The following CHD9 variants were observed in gnomAD, a reference collection of about 807,000 sequenced individuals.
CHD9 encodes the protein ATP-dependent chromatin remodeler CHD9.
In CHD9, 77 loss-of-function variants were observed where a neutral mutation model predicts 316.1. That is an observed-to-expected ratio of 0.24 (90% CI 0.20 to 0.29). The LOEUF is 0.29. CHD9 is among the 10% of genes least tolerant of loss of function. The probability of loss-of-function intolerance (pLI) is 1.00; values close to 1 mark genes in which losing one functional copy is unlikely to be tolerated. For missense variants in CHD9, 2,763 were observed against 3,438.1 expected (o/e 0.80, Z 4.91); for synonymous variants, 1,129 against 1,158.3 (o/e 0.97, Z 0.51).
intron 1 of CHD9, among the ~76,000 whole-genome samples, chr16:53,139,198 A>G (rs2039924589): frequency 6.6e-6 from 1 of 152,214 alleles, no homozygotes; most frequent in Non-Finnish European, 1.5e-5. Context: ...CCCAGAAAAC[A>G]AATTGTCCTT....
rs375069145 is a variant in CHD9, at chr16:53,255,760, G to A, written c.4190G>A (p.Arg1397His). 31 of 1,613,662 alleles carry A rather than the reference G, an allele frequency of 1.9e-5. No individual in the cohort carries two copies. In the African/African-American group the frequency reaches 2.8e-4, roughly 15 times the overall value. The change falls in exon 19 of 39, where the codon CGT becomes CAT. Residue 1397 changes from arginine (R) to histidine (H), a missense_variant. Arg to His is a conservative substitution (Grantham distance 29). This residue lies in a region of CHD9 where 199 missense variants were observed against 251.7 expected (regional missense o/e 0.79). Transcript: ENST00000447540. ...ACTATTACAATTGAATCAGAAGGACGTGGGTCAACATTTGCCAAGGTAATA... is the reference window on the plus strand; with the variant it reads ...ACTATTACAATTGAATCAGAAGGACATGGGTCAACATTTGCCAAGGTAATA... Reference protein sequence around the residue: ...TKTITIESEGRGSTFAKASFV... With the variant: ...TKTITIESEGHGSTFAKASFV...
At chr16:53,161,051 C>T (rs2041872396) in intron 2 of CHD9, among the ~76,000 whole-genome samples, 1 of 152,224 alleles carries the variant, frequency 6.6e-6, no homozygotes, top group Non-Finnish European at 1.5e-5. Context: ...TGTTGCTCCA[C>T]TTACCAGCCT....
At chr16:53,299,612 C>A in intron 30 of CHD9, 1 of 402,782 alleles carries the variant, frequency 2.5e-6, no homozygotes, top group South Asian at 2.1e-5. Context: ...TCATTGAAAA[C>A]AATGTGTCAA....
chr16:53,227,595 C>T lies in CHD9; in HGVS notation c.2160C>T (p.Tyr720=). The part of the protein sequence containing the change: ...MIDTEEFFVK[Y]KNYSYLHCEW... ...ATACAGAAGAATTTTTTGTAAAATA[C>T]AAGAATTAGTAAGTATTTGAGTTAG... The change falls in exon 7 of 39, where the codon TAC becomes TAT. Residue 720 remains tyrosine (Y), a synonymous_variant. Coordinates refer to ENST00000447540, the MANE Select transcript of CHD9 (RefSeq NM_001308319.2). 8.2e-7 allele frequency: 1 copy of T among 1,220,962 alleles called. No homozygotes were observed. The highest frequency in any genetic ancestry group is 1.1e-6 in the Non-Finnish European group (1 of 892,510). 75.6% of individuals were successfully genotyped at this position (1,220,962 alleles called of 1,614,324 possible).
At chr16:53,133,453 A>G (rs185497206) in intron 1 of CHD9, among the ~76,000 whole-genome samples, 1 of 152,280 alleles carries the variant, frequency 6.6e-6, no homozygotes, top group African/African-American at 2.4e-5. Context: ...TAAGAAAAAA[A>G]AAATTATGAT....
chr16:53,129,024 A>T (rs942862964), intron 1 of CHD9, among the ~76,000 whole-genome samples: 1 of 152,192 alleles, frequency 6.6e-6, no homozygotes, highest in Non-Finnish European at 1.5e-5. Context: ...AAACAAAAAC[A>T]CAAAAACCAG....
At chr16:53,055,346 A>G (rs1340434481) in intron 1 of CHD9, among the ~76,000 whole-genome samples, 1 of 152,180 alleles carries the variant, frequency 6.6e-6, no homozygotes, top group East Asian at 1.9e-4. Flanking sequence ...GGCGTCCTCG[A>G]AGCGGAAAGC....
At chr16:53,141,999 G>A (rs1231289718) in intron 1 of CHD9, among the ~76,000 whole-genome samples, 1 of 152,032 alleles carries the variant, frequency 6.6e-6, no homozygotes, top group Admixed American at 6.6e-5. Flanking sequence ...AAGAGTGGAG[G>A]GGCATTGATA....
At chr16:53,198,315 ATT>A (rs34946383) in intron 2 of CHD9, among the ~76,000 whole-genome samples, 11 of 125,198 alleles carry the variant, frequency 8.8e-5, no homozygotes, top group African/African-American at 6.0e-5. Flanking sequence ...TAAGCATTCA[ATT>A]TTTTTTTTTT....
rs75036978 is a variant in CHD9, at chr16:53,068,431, C to G, written c.-165+13354C>G. 8.5e-3 allele frequency among the ~76,000 whole-genome samples: 1,292 copies of G among 152,322 alleles called. 18 individuals are homozygous for G. The highest frequency in any genetic ancestry group is 0.029 in the African/African-American group (1,195 of 41,568). ...GCCGATCCAGCATTCTCTCCCACCTCTGCCTCTCAGTCACACAGTACTTCA... is the reference window on the plus strand; with the variant it reads ...GCCGATCCAGCATTCTCTCCCACCTGTGCCTCTCAGTCACACAGTACTTCA... On this transcript the variant is annotated intron_variant, in intron 1 of 38. Coordinates refer to ENST00000447540, the MANE Select transcript of CHD9 (RefSeq NM_001308319.2).
intron 1 of CHD9, among the ~76,000 whole-genome samples, chr16:53,061,457 C>T (rs2032892898): frequency 6.6e-6 from 1 of 152,068 alleles, no homozygotes; most frequent in African/African-American, 2.4e-5. Flanking sequence ...CAAAGCAGAT[C>T]ACGAGAAAAG....
intron 1 of CHD9, among the ~76,000 whole-genome samples, chr16:53,087,169 C>T (rs1477299524): frequency 6.6e-6 from 1 of 152,160 alleles, no homozygotes; most frequent in Non-Finnish European, 1.5e-5. Context: ...TGAAGTATCA[C>T]TCTCTAGAAG....
At chr16:53,296,688 G>T (rs11860234) in intron 29 of CHD9, among the ~76,000 whole-genome samples, 2 of 151,654 alleles carry the variant, frequency 1.3e-5, no homozygotes, top group Admixed American at 1.3e-4. Context: ...CTTGCGATCC[G>T]CCCGCCTCGG....
At chr16:53,272,646 A>C (rs945200646) in intron 22 of CHD9, among the ~76,000 whole-genome samples, 6 of 152,184 alleles carry the variant, frequency 3.9e-5, no homozygotes, top group Admixed American at 3.9e-4. Context: ...AACCAGGATA[A>C]ATTTTTTAAA....
chr16:53,227,452 C>T lies in CHD9; in HGVS notation c.2100C>T (p.Thr700=), dbSNP rs1029607360. ...TAGACAAAATTCTATCTTCTAGAAC[C>T]GTAAAAAAGGAAGTAAGTACTGGTA... is the stretch of plus-strand genomic sequence containing the variant. ...AIVDKILSSR[T]VKKEISPGVM... is the part of the protein sequence containing the mutation. The change falls in exon 6 of 39, where the codon ACC becomes ACT. Residue 700 remains threonine, a synonymous_variant. Transcript: ENST00000447540. 9.6e-6 allele frequency: 15 copies of T among 1,560,008 alleles called. No homozygotes were observed. The Middle Eastern group carries it at 5.0e-4, about 52-fold the overall frequency.
chr16:53,181,468 C>G (rs1597323342), intron 2 of CHD9, among the ~76,000 whole-genome samples: 1 of 151,908 alleles, frequency 6.6e-6, no homozygotes, highest in Admixed American at 6.5e-5. Flanking sequence ...TATACTTAAG[C>G]AAAAATTAGA....
intron 3 of CHD9, among the ~76,000 whole-genome samples, chr16:53,210,958 T>C (rs2046286930): frequency 6.6e-6 from 1 of 152,212 alleles, no homozygotes; most frequent in African/African-American, 2.4e-5. Context: ...TCTACTTCTT[T>C]TATTGTTTTT....
chr16:53,188,297 C>G (rs1438873098), intron 2 of CHD9, among the ~76,000 whole-genome samples: 1 of 152,082 alleles, frequency 6.6e-6, no homozygotes. Context: ...TATGAATGTT[C>G]CCATACAGGC....
intron 10 of CHD9, among the ~76,000 whole-genome samples, chr16:53,232,092 G>T (rs1398657670): frequency 1.3e-5 from 2 of 152,110 alleles, no homozygotes; most frequent in Non-Finnish European, 2.9e-5. Context: ...ACTATTTTCT[G>T]ATCTTCCTAG....
Sources: gnomAD v4.1 joint callset for allele counts (sites outside exome capture counted in the v4.1 genomes callset) on GRCh38, gnomAD v4.1.1 for gene constraint, gnomAD v4.1.1 regional missense constraint, MANE v1.5 for transcripts, NCBI Gene and HGNC (gene_info 2026-07-23, HGNC 2026-07-21) for gene names.